The following VDR variants were observed in gnomAD, a reference collection of about 807,000 sequenced individuals.
VDR encodes the protein vitamin D receptor.
VDR carries 19 observed loss-of-function variants against 39.7 expected under a neutral mutation model. The observed-to-expected ratio is 0.48, with a 90% CI of 0.33 to 0.70. VDR has a LOEUF of 0.70. Ranked by LOEUF, VDR falls within the 30% of genes least tolerant of loss-of-function variation. The probability of loss-of-function intolerance (pLI) is 0.02; values close to 1 mark genes in which losing one functional copy is unlikely to be tolerated. For synonymous variants in VDR, 242 were observed against 215.8 expected, an observed-to-expected ratio of 1.12 and a Z score of -1.07; for missense variants, 442 against 570.5, an observed-to-expected ratio of 0.77 and a Z score of 2.29.
At chr12:47,883,759 C>A (rs915773302) in intron 1 of VDR, among the ~76,000 whole-genome samples, 6 of 152,196 alleles carry the variant, frequency 3.9e-5, no homozygotes, top group African/African-American at 1.2e-4. Context: ...CTTTGGAGAC[C>A]TCTGTCTTCC....
chr12:47,899,839 C>A (rs765439854), intron 1 of VDR: 37 of 936,734 alleles, frequency 3.9e-5, no homozygotes, highest in Non-Finnish European at 4.7e-5. Flanking sequence ...GTACTTACCC[C>A]AAAGAGAAGC....
intron 7 of VDR, among the ~76,000 whole-genome samples, chr12:47,855,288 A>G (rs1332980413): frequency 1.3e-5 from 2 of 152,124 alleles, no homozygotes; most frequent in Admixed American, 1.3e-4. Context: ...AGATAGTGCC[A>G]CTGCACTCCA....
At chr12:47,898,095 C>T (rs941766525) in intron 1 of VDR, among the ~76,000 whole-genome samples, 1 of 152,144 alleles carries the variant, frequency 6.6e-6, no homozygotes, top group Non-Finnish European at 1.5e-5. Flanking sequence ...GATGTAGAAC[C>T]GTGGGATCCC....
intron 1 of VDR, among the ~76,000 whole-genome samples, chr12:47,900,944 C>T (rs1019064309): frequency 1.3e-5 from 2 of 152,180 alleles, no homozygotes; most frequent in South Asian, 4.1e-4. Flanking sequence ...TAGTCTATTC[C>T]CTGGCACAGG....
At chr12:47,851,672 T>C (rs1037070677) in intron 7 of VDR, among the ~76,000 whole-genome samples, 1 of 152,176 alleles carries the variant, frequency 6.6e-6, no homozygotes, top group African/African-American at 2.4e-5. Flanking sequence ...GAGCCTAGGT[T>C]TGGGCTCCAG....
intron 3 of VDR, among the ~76,000 whole-genome samples, chr12:47,875,467 C>A (rs1229159596): frequency 6.6e-6 from 1 of 152,188 alleles, no homozygotes; most frequent in African/African-American, 2.4e-5. Flanking sequence ...AGACCACTGA[C>A]ATTGTCCTTG....
intron 4 of VDR, 60 bp downstream of exon 4, chr12:47,864,987 C>T: frequency 6.2e-7 from 1 of 1,607,040 alleles, no homozygotes; most frequent in Admixed American, 1.7e-5. Flanking sequence ...AGGAGAGTGG[C>T]CAAGGCCTTT....
chr12:47,886,884 G>A lies in VDR; in HGVS notation c.-83-4110C>T, dbSNP rs143919408. ...CTCTGTATCATGCACAGATGGAACA[G>A]CACCCCATAGCTTTCAATGGCTCCT... On this transcript the variant is annotated intron_variant, in intron 1 of 9. Transcript: ENST00000549336. 2.0e-3 allele frequency among the ~76,000 whole-genome samples: 298 copies of A among 152,322 alleles called. 2 individuals carry two copies. Among genetic ancestry groups the A allele is most frequent in the African/African-American group, 6.9e-3 (288 of 41,582 alleles).
chr12:47,865,023 C>T (rs1272342741), intron 4 of VDR, 24 bp downstream of exon 4: 24 of 1,612,146 alleles, frequency 1.5e-5, no homozygotes, highest in Non-Finnish European at 2.0e-5. Flanking sequence ...AGGCCCAAAC[C>T]CTGCCCAGCC....
chr12:47,894,933 C>A (rs939847012), intron 1 of VDR, among the ~76,000 whole-genome samples: 5 of 152,200 alleles, frequency 3.3e-5, no homozygotes, highest in African/African-American at 1.2e-4. Context: ...AGGGAAGGCC[C>A]GCGGGAGCCA....
At chr12:47,863,929 C>A (rs1348667111) in intron 4 of VDR, among the ~76,000 whole-genome samples, 1 of 152,226 alleles carries the variant, frequency 6.6e-6, no homozygotes, top group East Asian at 1.9e-4. Flanking sequence ...AAGCCCTGTT[C>A]TGTGACTTAT....
At chr12:47,872,470 T>C (rs1160085772) in intron 3 of VDR, among the ~76,000 whole-genome samples, 1 of 152,242 alleles carries the variant, frequency 6.6e-6, no homozygotes, top group East Asian at 1.9e-4. Context: ...GTCTTAGGCC[T>C]GCTCTCTGGG....
chr12:47,890,446 C>A (rs2137231687), intron 1 of VDR, among the ~76,000 whole-genome samples: 1 of 150,900 alleles, frequency 6.6e-6, no homozygotes, highest in Admixed American at 6.6e-5. Context: ...CTTCTAGAGC[C>A]AGCTCCTCTG....
intron 3 of VDR, among the ~76,000 whole-genome samples, chr12:47,865,382 T>A (rs1945709478): frequency 6.6e-6 from 1 of 152,202 alleles, no homozygotes; most frequent in Non-Finnish European, 1.5e-5. Context: ...CCAGCTCCAA[T>A]CATGGCTTGT....
At chr12:47,904,900 C>T in intron 1 of VDR, 55 bp downstream of exon 1, 1 of 305,864 alleles carries the variant, frequency 3.3e-6, no homozygotes, top group Non-Finnish European at 6.2e-6. Context: ...CCCAGACGCC[C>T]CGACCCCGAG....
intron 1 of VDR, among the ~76,000 whole-genome samples, chr12:47,892,137 T>TC (rs1447574792): frequency 6.6e-6 from 1 of 152,228 alleles, no homozygotes; most frequent in Non-Finnish European, 1.5e-5. Context: ...CTGGGATAGA[T>TC]TCTGAAGCCT....
intron 3 of VDR, among the ~76,000 whole-genome samples, chr12:47,867,043 G>A (rs764834637): frequency 5.3e-5 from 8 of 151,770 alleles, no homozygotes; most frequent in African/African-American, 9.7e-5. Flanking sequence ...AACTACTGAA[G>A]TGTTCTTAGC....
chr12:47,871,586 C>G (rs1945881591), intron 3 of VDR, among the ~76,000 whole-genome samples: 1 of 151,846 alleles, frequency 6.6e-6, no homozygotes. Flanking sequence ...GCTTCAGCCT[C>G]CCGAGTAGCT....
chr12:47,895,773 A>C (rs961675586), intron 1 of VDR, among the ~76,000 whole-genome samples: 12 of 152,230 alleles, frequency 7.9e-5, no homozygotes, highest in African/African-American at 2.9e-4. Flanking sequence ...TTTTTGAAAA[A>C]AAATCTGAAT....
Sources: allele counts gnomAD v4.1 joint callset (sites outside exome capture counted in the v4.1 genomes callset), GRCh38; gene constraint gnomAD v4.1.1; transcripts MANE v1.5; gene names NCBI Gene and HGNC (gene_info 2026-07-23, HGNC 2026-07-21).